The following SLC35F3 variants were observed in gnomAD, a reference collection of about 807,000 sequenced individuals.
SLC35F3 encodes putative thiamine transporter SLC35F3.
In SLC35F3, 25 loss-of-function variants were observed where a neutral mutation model predicts 49.9. The ratio of observed to expected loss-of-function variants is 0.50; its 90% CI spans 0.37 to 0.70. SLC35F3 has a LOEUF of 0.70. SLC35F3 is among the 30% of genes least tolerant of loss of function. SLC35F3 has a pLI of 0.00. For missense variants in SLC35F3, 525 were observed against 639.8 expected (o/e 0.82, Z 1.94); for synonymous variants, 275 against 265.4 (o/e 1.04, Z -0.35).
chr1:234,058,328 ATTTTT>A (rs56960667), intron 2 of SLC35F3, among the ~76,000 whole-genome samples: 6 of 39,796 alleles, frequency 1.5e-4, no homozygotes, highest in African/African-American at 6.9e-4. Flanking sequence ...ATGTTCCTGA[ATTTTT>A]TTTTTTTTTT....
intron 2 of SLC35F3, among the ~76,000 whole-genome samples, chr1:234,038,303 T>G (rs1664173540): frequency 6.6e-6 from 1 of 150,998 alleles, no homozygotes. Context: ...TCATCCTTTT[T>G]TATGGCTGCA....
intron 2 of SLC35F3, among the ~76,000 whole-genome samples, chr1:233,958,201 T>C (rs1662737017): frequency 6.6e-6 from 1 of 152,190 alleles, no homozygotes; most frequent in African/African-American, 2.4e-5. Flanking sequence ...ACTCTTTTGA[T>C]GATATGAACT....
At chr1:233,980,293 G>T (rs74850949) in intron 2 of SLC35F3, among the ~76,000 whole-genome samples, 2 of 152,246 alleles carry the variant, frequency 1.3e-5, no homozygotes, top group South Asian at 2.1e-4. Flanking sequence ...AAGCAGCCTG[G>T]CTCTCAAAAG....
chr1:234,001,264 T>C (rs1663549976), intron 2 of SLC35F3, among the ~76,000 whole-genome samples: 1 of 152,220 alleles, frequency 6.6e-6, no homozygotes, highest in African/African-American at 2.4e-5. Context: ...GACTTCTTTT[T>C]AATGTATCAA....
chr1:234,104,865 T>C (rs1029814444), intron 2 of SLC35F3, among the ~76,000 whole-genome samples: 12 of 152,202 alleles, frequency 7.9e-5, no homozygotes, highest in African/African-American at 2.9e-4. Flanking sequence ...GCACGGTGGC[T>C]TATGCCTGTA....
rs1667020427 is a variant in SLC35F3 at position 234,209,539 on chromosome 1, A to G, written c.284-21878A>G. On this transcript the variant is annotated intron_variant, in intron 2 of 7. Coordinates refer to ENST00000366618, the MANE Select transcript of SLC35F3 (RefSeq NM_173508.4). ...AAGTGTTCACTTAAGGAATATCCAT[A>G]TTCATATGGTCAATTAGACAGAAAA... Among the ~76,000 whole-genome samples the G allele has an allele frequency of 2.0e-5, 3 of 152,280 alleles. No individual in the cohort carries two copies. The South Asian group carries it at 6.2e-4, about 32-fold the overall frequency.
At chr1:234,193,733 C>G (rs973252826) in intron 2 of SLC35F3, among the ~76,000 whole-genome samples, 2 of 152,064 alleles carry the variant, frequency 1.3e-5, no homozygotes, top group African/African-American at 4.8e-5. Flanking sequence ...ACAACAAACT[C>G]AAACAAATTA....
At chr1:234,215,242 C>T (rs778574271) in intron 2 of SLC35F3, among the ~76,000 whole-genome samples, 7 of 152,176 alleles carry the variant, frequency 4.6e-5, no homozygotes, top group Non-Finnish European at 8.8e-5. Flanking sequence ...TCCTCCTCCC[C>T]GTGTTGTCCT....
chr1:234,313,470 G>C (rs754517260), intron 4 of SLC35F3, among the ~76,000 whole-genome samples: 1 of 152,132 alleles, frequency 6.6e-6, no homozygotes, highest in East Asian at 1.9e-4. Flanking sequence ...AGTAATCCCC[G>C]GCCTGTGTTC....
At chr1:234,021,975 A>G (rs12127733) in intron 2 of SLC35F3, among the ~76,000 whole-genome samples, 20,023 of 152,232 alleles carry the variant, frequency 0.13, 1,625 homozygotes, top group Non-Finnish European at 0.19. Flanking sequence ...CTTGGTTGTT[A>G]TGTTGAATAC....
chr1:234,027,499 A>C lies in SLC35F3; in HGVS notation c.283+121741A>C, dbSNP rs1663996039. Among the ~76,000 whole-genome samples, 1 of 152,238 alleles carries C rather than the reference A, an allele frequency of 6.6e-6. No homozygotes were observed. Among genetic ancestry groups the C allele is most frequent in the Admixed American group, 6.5e-5 (1 of 15,288 alleles). On this transcript the variant is annotated intron_variant, in intron 2 of 7. Coordinates refer to ENST00000366618, the MANE Select transcript of SLC35F3 (RefSeq NM_173508.4). This position sits in a 1 kb window ranked among gnomAD's most constrained non-coding sequence, Gnocchi z 4.1. ...ACCACAGCGATTAACTTTCAATTTC[A>C]GTCCATTCGGTAGTGGTTTAAAGAA...
At chr1:234,102,438 GGAAA>G (rs1185838940) in intron 2 of SLC35F3, among the ~76,000 whole-genome samples, 2 of 152,164 alleles carry the variant, frequency 1.3e-5, no homozygotes, top group African/African-American at 2.4e-5. Context: ...ATCTGCTCAA[GGAAA>G]GAGACAGAAG....
chr1:234,115,709 C>T (rs1665475923), intron 2 of SLC35F3, among the ~76,000 whole-genome samples: 1 of 152,194 alleles, frequency 6.6e-6, no homozygotes, highest in African/African-American at 2.4e-5. Flanking sequence ...CATTTGAGAA[C>T]AAGCCATGGG....
chr1:234,110,064 G>A (rs1665382983), intron 2 of SLC35F3, among the ~76,000 whole-genome samples: 1 of 152,110 alleles, frequency 6.6e-6, no homozygotes, highest in Non-Finnish European at 1.5e-5. Flanking sequence ...CGAAGGACAG[G>A]TAAGATGGGC....
chr1:233,927,764 A>G (rs1199636937), intron 2 of SLC35F3, among the ~76,000 whole-genome samples: 2 of 152,124 alleles, frequency 1.3e-5, no homozygotes, highest in Non-Finnish European at 2.9e-5. Context: ...ATAAATATAT[A>G]AGGGAGAAAA....
chr1:234,151,687 A>C (rs1013152533), intron 2 of SLC35F3, among the ~76,000 whole-genome samples: 2 of 152,106 alleles, frequency 1.3e-5, no homozygotes, highest in African/African-American at 4.8e-5. Context: ...AAAGGTAAAA[A>C]GGATTCTAAA....
chr1:234,168,616 G>A (rs1012927660), intron 2 of SLC35F3, among the ~76,000 whole-genome samples: 1 of 152,226 alleles, frequency 6.6e-6, no homozygotes, highest in African/African-American at 2.4e-5. Flanking sequence ...GGCATATGGA[G>A]CACAGTATCT....
chr1:233,923,060 A>G (rs990289623), intron 2 of SLC35F3, among the ~76,000 whole-genome samples: 12 of 152,080 alleles, frequency 7.9e-5, no homozygotes, highest in Admixed American at 2.6e-4. Context: ...GCCTTGTAGT[A>G]TAGTTTAAAG....
In SLC35F3 at chr1:234,139,959, T is replaced by TAAAATAAAATAAAATAAAATA. The variant is rs1558239927; in HGVS notation, c.284-91454_284-91434dup. 4.7e-4 allele frequency among the ~76,000 whole-genome samples: 60 copies of TAAAATAAAATAAAATAAAATA among 126,840 alleles called. 2 individuals carry two copies. Among genetic ancestry groups the TAAAATAAAATAAAATAAAATA allele is most frequent in the Non-Finnish European group, 7.6e-4 (45 of 59,468 alleles). The allele number at this position is 126,840 out of a possible 152,430, so 83.2% of individuals were successfully genotyped here. A position where few individuals can be genotyped will look rare whatever the true frequency, so the allele number is the denominator to read the frequency against. Reference sequence around the variant, plus strand: ...GAGACTCCATCTCAAAATAATAAAATAAAATAAAATAAAATAAAATAAAAT... The same window carrying TAAAATAAAATAAAATAAAATA: ...GAGACTCCATCTCAAAATAATAAAATAAAATAAAATAAAATAAAATAAAAATAAAATAAAATAAAATAAAAT... On this transcript the variant is annotated intron_variant, in intron 2 of 7. Transcript: ENST00000366618.
Sources: allele counts gnomAD v4.1 joint callset (sites outside exome capture counted in the v4.1 genomes callset), GRCh38; gene constraint gnomAD v4.1.1; non-coding constraint Gnocchi (gnomAD v3.1); transcripts MANE v1.5; gene names NCBI Gene and HGNC (gene_info 2026-07-23, HGNC 2026-07-21).